AMMECR1: variants seen among roughly 807,000 people sequenced by gnomAD.
AMMECR1 encodes the protein nuclear protein AMMECR1.
In AMMECR1, 3 loss-of-function variants were observed where a neutral mutation model predicts 22.5. The ratio of observed to expected loss-of-function variants is 0.13; its 90% CI spans 0.06 to 0.35. AMMECR1 has a LOEUF of 0.35. AMMECR1 is among the 10% of genes least tolerant of loss of function. The probability of loss-of-function intolerance (pLI) is 1.00; values close to 1 mark genes in which losing one functional copy is unlikely to be tolerated. For missense variants in AMMECR1, 235 were observed against 278.7 expected (o/e 0.84, Z 1.12); for synonymous variants, 130 against 116.7 (o/e 1.11, Z -0.74).
intron 2 of AMMECR1, among the ~76,000 whole-genome samples, chrX:110,420,631 CT>C (rs2068710449): frequency 8.9e-6 from 1 of 112,080 alleles, no homozygotes; most frequent in African/African-American, 3.2e-5. Flanking sequence ...ATCTCAAATC[CT>C]TTGCAGAATG....
chrX:110,381,814 C>CA (rs760180664), intron 2 of AMMECR1, among the ~76,000 whole-genome samples: 171 of 107,449 alleles, frequency 1.6e-3, no homozygotes, highest in Middle Eastern at 9.8e-3. Flanking sequence ...CAAATTAATG[C>CA]AAAAAAAAAT....
chrX:110,318,756 C>T (rs1277588314), upstream of AMMECR1, among the ~76,000 whole-genome samples: 1 of 111,705 alleles, frequency 9.0e-6, no homozygotes. Context: ...TAATTCCAGC[C>T]TAAGCACACA....
At chrX:110,201,782 G>C (rs1437652740) in intron 4 of AMMECR1, among the ~76,000 whole-genome samples, 1 of 111,663 alleles carries the variant, frequency 9.0e-6, no homozygotes, top group African/African-American at 3.3e-5. Context: ...GAGAAGAAAA[G>C]CTCCCCAAGA....
intron 1 of AMMECR1, chrX:110,305,302 A>G (rs745717001): frequency 1.5e-4 from 17 of 112,305 alleles, no homozygotes; most frequent in African/African-American, 3.9e-4. Context: ...CAGTCTTAAG[A>G]TAATACTGGC....
chrX:110,254,241 T>C (rs2067699715), intron 2 of AMMECR1, among the ~76,000 whole-genome samples: 1 of 112,012 alleles, frequency 8.9e-6, no homozygotes, highest in South Asian at 3.7e-4. Flanking sequence ...GAATTATGAC[T>C]GTACAAATCC....
chrX:110,216,936 A>T (rs1430570806), intron 2 of AMMECR1, among the ~76,000 whole-genome samples: 1 of 110,943 alleles, frequency 9.0e-6, no homozygotes, highest in Non-Finnish European at 1.9e-5. Context: ...AGAATCTAAG[A>T]ATGTTTTATT....
chrX:110,309,337 T>C (rs1215476033), intron 1 of AMMECR1: 2 of 112,322 alleles, frequency 1.8e-5, no homozygotes, highest in Admixed American at 9.4e-5. Flanking sequence ...GAAAATATGT[T>C]ACTAAAGTTG....
At chrX:110,313,240 C>T (rs973653159) in intron 1 of AMMECR1, among the ~76,000 whole-genome samples, 1 of 111,748 alleles carries the variant, frequency 8.9e-6, no homozygotes, top group Admixed American at 9.5e-5. Context: ...TCTGCATATG[C>T]GGGAGTGGAT....
At chrX:110,329,838 A>T (rs947410740) in intron 2 of AMMECR1, among the ~76,000 whole-genome samples, 2 of 111,891 alleles carry the variant, frequency 1.8e-5, no homozygotes, top group Non-Finnish European at 3.8e-5. Flanking sequence ...GTATAAAATT[A>T]CCTTCAGGCT....
upstream of AMMECR1, among the ~76,000 whole-genome samples, chrX:110,322,439 G>C (rs2068082609): frequency 9.0e-6 from 1 of 111,331 alleles, no homozygotes; most frequent in African/African-American, 3.3e-5. Flanking sequence ...TCATCTACTA[G>C]CTTCTGTACA....
chrX:110,338,603 C>T (rs989812595), intron 2 of AMMECR1, among the ~76,000 whole-genome samples: 4 of 111,493 alleles, frequency 3.6e-5, no homozygotes, highest in Non-Finnish European at 5.6e-5. Context: ...TTACACAGCC[C>T]GTAACATCAG....
At chrX:110,246,978 T>A (rs1233463432) in intron 2 of AMMECR1, among the ~76,000 whole-genome samples, 1 of 112,135 alleles carries the variant, frequency 8.9e-6, no homozygotes. Context: ...CTTTACCATG[T>A]CCCATTACTC....
At chrX:110,210,112 C>A (rs748055809) in intron 3 of AMMECR1, among the ~76,000 whole-genome samples, 1 of 110,809 alleles carries the variant, frequency 9.0e-6, no homozygotes, top group Admixed American at 9.6e-5. Context: ...TGCATTAAAT[C>A]ACCTTCTAAG....
At chrX:110,207,673 C>T (rs1306524138) in intron 3 of AMMECR1, among the ~76,000 whole-genome samples, 1 of 112,058 alleles carries the variant, frequency 8.9e-6, no homozygotes, top group Non-Finnish European at 1.9e-5. Context: ...ACATATCTAT[C>T]TAACATGATC....
At chrX:110,358,401 A>T (rs749841708) in intron 2 of AMMECR1, among the ~76,000 whole-genome samples, 41 of 111,560 alleles carry the variant, frequency 3.7e-4, no homozygotes, top group African/African-American at 1.3e-3. Context: ...AGGAATTATT[A>T]ATGATAAGAG....
intron 2 of AMMECR1, chrX:110,346,943 G>A (rs987884088): frequency 1.1e-5 from 6 of 530,111 alleles, no homozygotes; most frequent in Non-Finnish European, 2.1e-5. Context: ...TTCGTGGGTC[G>A]GTGGGTCGTG....
intron 1 of AMMECR1, among the ~76,000 whole-genome samples, chrX:110,300,467 T>C (rs1460514393): frequency 1.8e-5 from 2 of 112,308 alleles, no homozygotes; most frequent in Non-Finnish European, 3.8e-5. Flanking sequence ...TTATCTCTTA[T>C]CTGTGACATG....
intron 2 of AMMECR1, among the ~76,000 whole-genome samples, chrX:110,251,723 C>T (rs1011779834): frequency 2.7e-5 from 3 of 111,588 alleles, no homozygotes; most frequent in East Asian, 2.8e-4. Context: ...GGGGCAGAAC[C>T]AACAGGAAAT....
intron 2 of AMMECR1, among the ~76,000 whole-genome samples, chrX:110,405,312 A>C (rs770184324): frequency 5.4e-5 from 6 of 111,874 alleles, no homozygotes; most frequent in Non-Finnish European, 9.4e-5. Context: ...TTGGATAACC[A>C]AGAGCTCCCA....
Sources: gnomAD v4.1 joint callset for allele counts (sites outside exome capture counted in the v4.1 genomes callset) on GRCh38, gnomAD v4.1.1 for gene constraint, MANE v1.5 for transcripts, NCBI Gene and HGNC (gene_info 2026-07-23, HGNC 2026-07-21) for gene names.